Variants in CLINT1 observed in about 807,000 individuals in gnomAD.
CLINT1 encodes the protein clathrin interacting protein localized in the trans-Golgi region.
Under a neutral mutation model 70.4 loss-of-function variants are expected in CLINT1, and 15 were observed. The ratio of observed to expected loss-of-function variants is 0.21; its 90% CI spans 0.14 to 0.33. The LOEUF (loss-of-function observed/expected upper bound fraction) is 0.33. CLINT1 is among the 10% of genes least tolerant of loss of function. The probability of loss-of-function intolerance (pLI) is 1.00; values close to 1 mark genes in which losing one functional copy is unlikely to be tolerated. For missense variants in CLINT1, 615 were observed against 778.1 expected (o/e 0.79, Z 2.49); for synonymous variants, 227 against 254.7 (o/e 0.89, Z 1.04).
At chr5:157,839,293 C>T (rs1055962185) in intron 1 of CLINT1, among the ~76,000 whole-genome samples, 1 of 151,732 alleles carries the variant, frequency 6.6e-6, no homozygotes, top group East Asian at 1.9e-4. Flanking sequence ...AGTATCATCA[C>T]CACACTTCCA....
At chr5:157,829,383 G>T (rs147185717) in intron 1 of CLINT1, among the ~76,000 whole-genome samples, 2 of 152,250 alleles carry the variant, frequency 1.3e-5, no homozygotes, top group East Asian at 3.9e-4. Flanking sequence ...AAAATACTTT[G>T]CCTGGAAGAT....
At chr5:157,851,171 T>C (rs1010952408) in intron 1 of CLINT1, among the ~76,000 whole-genome samples, 1 of 152,148 alleles carries the variant, frequency 6.6e-6, no homozygotes, top group Non-Finnish European at 1.5e-5. Context: ...ACCCGAAAAT[T>C]GAATTTTCAA....
chr5:157,842,288 T>C (rs562436893), intron 1 of CLINT1, among the ~76,000 whole-genome samples: 1 of 152,294 alleles, frequency 6.6e-6, no homozygotes, highest in African/African-American at 2.4e-5. Context: ...CAGTCTTAAG[T>C]ACTTATAAGT....
chr5:157,803,661 C>T lies in CLINT1; in HGVS notation c.1001G>A (p.Ser334Asn). Residue 334 changes from serine (S) to asparagine (N), a missense_variant, in exon 8 of 12, where the codon AGC becomes AAC. By Grantham distance (46) the Ser-to-Asn change is conservative. Around this residue, in one of 2 missense-constraint regions of CLINT1, gnomAD observed 374 missense variants for 409.6 expected, o/e 0.91. Coordinates refer to ENST00000411809, the MANE Select transcript of CLINT1 (RefSeq NM_014666.4). ...GDLVDLFDGT[S>N]QSTGGSADLF... Reference sequence around the variant, plus strand: ...ATGTAGAAGCTTACCTGTTGACTGGCTGGTGCCATCAAACAGATCAACAAG... The same window carrying T: ...ATGTAGAAGCTTACCTGTTGACTGGTTGGTGCCATCAAACAGATCAACAAG... The T allele has an allele frequency of 6.6e-7, 1 of 1,522,284 alleles. No homozygotes were observed. The highest frequency in any genetic ancestry group is 8.9e-7 in the Non-Finnish European group (1 of 1,122,266). The allele number at this position is 1,522,284 out of a possible 1,614,324, so 94.3% of individuals were successfully genotyped here.
chr5:157,815,175 C>G (rs1762682623), intron 3 of CLINT1, among the ~76,000 whole-genome samples: 1 of 151,250 alleles, frequency 6.6e-6, no homozygotes, highest in Non-Finnish European at 1.5e-5. Flanking sequence ...TGGCGCACAC[C>G]TGTAGTCCTA....
intron 8 of CLINT1, among the ~76,000 whole-genome samples, chr5:157,796,939 A>G (rs762833895): frequency 2.0e-4 from 30 of 151,592 alleles, no homozygotes; most frequent in Non-Finnish European, 4.1e-4. Flanking sequence ...AATGCCAACC[A>G]AAGTGAAGGT....
intron 1 of CLINT1, among the ~76,000 whole-genome samples, chr5:157,828,941 A>G (rs1279557764): frequency 6.6e-6 from 1 of 151,276 alleles, no homozygotes; most frequent in Non-Finnish European, 1.5e-5. Flanking sequence ...AAAAAAAAAA[A>G]AAAAAAAAAA....
chr5:157,846,782 C>G (rs571130440), intron 1 of CLINT1, among the ~76,000 whole-genome samples: 2 of 152,268 alleles, frequency 1.3e-5, no homozygotes, highest in South Asian at 4.1e-4. Context: ...GTGCTCACTG[C>G]ACATTATGAA....
intron 1 of CLINT1, among the ~76,000 whole-genome samples, chr5:157,845,167 G>A (rs1170490182): frequency 2.0e-5 from 3 of 152,054 alleles, no homozygotes; most frequent in Non-Finnish European, 2.9e-5. Flanking sequence ...TAGCCAACAT[G>A]GTGAAACTCT....
At chr5:157,814,710 T>C (rs1309246039) in intron 3 of CLINT1, among the ~76,000 whole-genome samples, 1 of 152,180 alleles carries the variant, frequency 6.6e-6, no homozygotes, top group Non-Finnish European at 1.5e-5. Flanking sequence ...AAAATTTAAT[T>C]TTGAGGTTAA....
chr5:157,808,460 T>C (rs1762452323), intron 6 of CLINT1, among the ~76,000 whole-genome samples: 1 of 152,116 alleles, frequency 6.6e-6, no homozygotes. Context: ...GTCCACACAG[T>C]GTGACTGGGT....
At chr5:157,846,152 T>A (rs2113315682) in intron 1 of CLINT1, among the ~76,000 whole-genome samples, 1 of 152,324 alleles carries the variant, frequency 6.6e-6, no homozygotes, top group Non-Finnish European at 1.5e-5. Flanking sequence ...CATCTCCTAC[T>A]TTCAATCAAA....
At chr5:157,821,319 T>G (rs1192269303) in intron 1 of CLINT1, among the ~76,000 whole-genome samples, 2 of 152,210 alleles carry the variant, frequency 1.3e-5, no homozygotes, top group Non-Finnish European at 2.9e-5. Flanking sequence ...GCTGTCACCA[T>G]CAATAACTAC....
At chr5:157,852,165 T>C (rs1268193092) in intron 1 of CLINT1, among the ~76,000 whole-genome samples, 1 of 152,234 alleles carries the variant, frequency 6.6e-6, no homozygotes, top group Non-Finnish European at 1.5e-5. Context: ...TACTTTAAAA[T>C]CTTGAGAATA....
chr5:157,796,760 G>A (rs747279225), intron 8 of CLINT1, among the ~76,000 whole-genome samples: 3 of 152,030 alleles, frequency 2.0e-5, no homozygotes, highest in African/African-American at 7.2e-5. Context: ...AGTAATAAAA[G>A]GAACAAATCA....
intron 6 of CLINT1, 63 bp from the exon 7 acceptor site, chr5:157,806,175 G>A: frequency 6.5e-7 from 1 of 1,533,846 alleles, no homozygotes; most frequent in Non-Finnish European, 8.8e-7. Flanking sequence ...GGGTCCCTCA[G>A]TGATTTGAGC....
At chr5:157,809,504 AAAAAAAAAGGCCC>A in intron 6 of CLINT1, 111 bp downstream of exon 6, 1 of 706,578 alleles carries the variant, frequency 1.4e-6, no homozygotes. Context: ...TATTAAAAAA[AAAAAAAAAGGCCC>A]AATTTCAGAT....
chr5:157,790,599 C>T (rs987031037), intron 10 of CLINT1: 1 of 454,846 alleles, frequency 2.2e-6, no homozygotes. Context: ...AGAGCAGTCA[C>T]CTTTCTGCTT....
chr5:157,850,393 C>A (rs552359356), intron 1 of CLINT1, among the ~76,000 whole-genome samples: 3 of 151,536 alleles, frequency 2.0e-5, no homozygotes. Flanking sequence ...TTGAGGCGGG[C>A]GGATTGCCTG....
Sources: allele counts gnomAD v4.1 joint callset (sites outside exome capture counted in the v4.1 genomes callset), GRCh38; gene constraint gnomAD v4.1.1; regional missense constraint gnomAD v4.1.1; transcripts MANE v1.5; gene names NCBI Gene and HGNC (gene_info 2026-07-23, HGNC 2026-07-21).